The following MPC1 variants were observed in gnomAD, a reference collection of about 807,000 sequenced individuals.
MPC1 encodes the protein HSPC040 protein.
A neutral mutation model predicts 13.9 loss-of-function variants in MPC1; 6 were observed. The observed-to-expected ratio is 0.43, with a 90% CI of 0.24 to 0.85. The LOEUF (loss-of-function observed/expected upper bound fraction) is 0.85. MPC1 is among the 40% of genes least tolerant of loss of function. MPC1 has a pLI of 0.24. For synonymous variants in MPC1, 47 were observed against 50.5 expected, an observed-to-expected ratio of 0.93 and a Z score of 0.29; for missense variants, 115 against 143.3, an observed-to-expected ratio of 0.80 and a Z score of 1.01.
chr6:166,367,511 A>C (rs1779205958), intron 2 of MPC1, among the ~76,000 whole-genome samples: 2 of 152,238 alleles, frequency 1.3e-5, no homozygotes, highest in African/African-American at 4.8e-5. Flanking sequence ...TTGACATAAT[A>C]GCAAAAACTT....
At chr6:166,381,931 G>T in intron 1 of MPC1, 1 of 538,150 alleles carries the variant, frequency 1.9e-6, no homozygotes, top group Non-Finnish European at 2.4e-6. Flanking sequence ...TCCCAGAAGC[G>T]CGCTGGGCGC....
At chr6:166,370,035 G>C in intron 2 of MPC1, 183 bp downstream of exon 2, 1 of 713,322 alleles carries the variant, frequency 1.4e-6, no homozygotes, top group South Asian at 1.5e-5. Flanking sequence ...GAGCATGGCT[G>C]TCACAGAGCT....
chr6:166,369,487 TACATAC>T (rs1779293649), intron 2 of MPC1: 1 of 157,462 alleles, frequency 6.4e-6, no homozygotes, highest in Non-Finnish European at 1.4e-5. Flanking sequence ...TTAAGAACTA[TACATAC>T]ACTTATGACT....
chr6:166,382,869 C>A lies in MPC1; in HGVS notation c.8G>T (p.Gly3Val), dbSNP rs745470711. 2.5e-6 allele frequency: 4 copies of A among 1,599,142 alleles called. No individual in the cohort carries two copies. In the South Asian group the frequency reaches 3.4e-5, roughly 13 times the overall value. MA[G>V]ALVRKAADYV... ...GTCCGCCGCTTTCCGCACCAACGCG[C>A]CCGCCATGGCTGTGCCGACACCAGA... The change falls in exon 1 of 5, where the codon GGC becomes GTC. Residue 3 changes from glycine to valine, a missense_variant. Physicochemically the swap from Gly to Val is moderately radical, Grantham distance 109. Around this residue, in one of 3 missense-constraint regions of MPC1, gnomAD observed 41 missense variants for 34.2 expected, o/e 1.20. Coordinates refer to ENST00000360961, the MANE Select transcript of MPC1 (RefSeq NM_016098.4).
chr6:166,368,985 G>A, intron 2 of MPC1: 2 of 965,448 alleles, frequency 2.1e-6, no homozygotes, highest in Non-Finnish European at 2.5e-6. Flanking sequence ...ATAAACCACA[G>A]TTTCTCTACC....
rs775642695 is a variant in MPC1 at position 166,366,783 on chromosome 6, C to G, written c.172+12G>C. The G allele has an allele frequency of 1.2e-6, 2 of 1,612,824 alleles. No homozygotes were observed. Among genetic ancestry groups the G allele is most frequent in the Non-Finnish European group, 1.7e-6 (2 of 1,178,846 alleles). On this transcript the variant is annotated intron_variant, in intron 3 of 4. Coordinates refer to ENST00000360961, the MANE Select transcript of MPC1 (RefSeq NM_016098.4). ...TGAAAGTCCTCCCAATTATCCAAAT[C>G]TGCATTCTTACCAAATGTCATCCGC...
chr6:166,379,266 G>C (rs576179087), intron 1 of MPC1, among the ~76,000 whole-genome samples: 2 of 152,290 alleles, frequency 1.3e-5, no homozygotes, highest in Admixed American at 6.5e-5. Flanking sequence ...GGCCAAGATG[G>C]GAGGACTGCT....
chr6:166,365,999 G>A lies in MPC1; in HGVS notation c.280C>T (p.Gln94Ter). Reference protein sequence around the residue: ...HATNEVAQLIQGGRLIKHEMT... With the variant: ...HATNEVAQLI ...TCGTGTTTGATAAGCCGCCCTCCCT[G>A]GATGAGCTGGGCTACTTCATTTGTT... Residue 94 changes from glutamine (Q) to a stop codon, truncating the protein, a stop_gained, in exon 4 of 5, where the codon CAG (glutamine) becomes TAG (stop). Coordinates refer to ENST00000360961, the MANE Select transcript of MPC1 (RefSeq NM_016098.4). LOFTEE classifies it high-confidence loss of function. This position sits in a 1 kb window ranked among gnomAD's most constrained non-coding sequence, Gnocchi z 4.2. The A allele has an allele frequency of 1.9e-6, 3 of 1,613,734 alleles. No homozygotes were observed. Among genetic ancestry groups the A allele is most frequent in the Non-Finnish European group, 2.5e-6 (3 of 1,179,720 alleles).
chr6:166,374,865 T>G (rs1001312474), intron 1 of MPC1, among the ~76,000 whole-genome samples: 3 of 152,222 alleles, frequency 2.0e-5, no homozygotes, highest in Non-Finnish European at 4.4e-5. Flanking sequence ...GTTTGAAAGT[T>G]AGGTAATGTC....
At chr6:166,372,057 AG>A (rs1290648611) in intron 1 of MPC1, among the ~76,000 whole-genome samples, 1 of 152,208 alleles carries the variant, frequency 6.6e-6, no homozygotes, top group African/African-American at 2.4e-5. Flanking sequence ...TATATTTCAC[AG>A]CAAGTACAAA....
chr6:166,367,640 C>T (rs947087410), intron 2 of MPC1, among the ~76,000 whole-genome samples: 2 of 152,070 alleles, frequency 1.3e-5, no homozygotes, highest in African/African-American at 2.4e-5. Context: ...ATTTTAGAGG[C>T]TGAAATAAAA....
chr6:166,381,946 G>C (rs1779798756), intron 1 of MPC1: 1 of 400,396 alleles, frequency 2.5e-6, no homozygotes, highest in African/African-American at 2.2e-5. Context: ...GGGCGCACCC[G>C]AAGCTCCGCT....
intron 1 of MPC1, among the ~76,000 whole-genome samples, chr6:166,379,705 G>A (rs1779697986): frequency 6.6e-6 from 1 of 152,180 alleles, no homozygotes; most frequent in African/African-American, 2.4e-5. Flanking sequence ...AGAATGCAGA[G>A]GATGCAAAGT....
chr6:166,382,711 C>T, intron 1 of MPC1, 95 bp downstream of exon 1: 7 of 1,325,216 alleles, frequency 5.3e-6, no homozygotes, highest in Non-Finnish European at 7.0e-6. Flanking sequence ...CCGGGGCCAC[C>T]GCGTCCTCGC....
chr6:166,377,266 A>G (rs1779604402), intron 1 of MPC1, among the ~76,000 whole-genome samples: 1 of 151,866 alleles, frequency 6.6e-6, no homozygotes, highest in South Asian at 2.1e-4. Context: ...CTCGGGAGAC[A>G]ATCAAGGAGC....
chr6:166,367,861 C>T (rs1411044696), intron 2 of MPC1, among the ~76,000 whole-genome samples: 10 of 152,014 alleles, frequency 6.6e-5, no homozygotes, highest in African/African-American at 1.4e-4. Context: ...CTACTATTGA[C>T]GAGGGGTTAA....
At chr6:166,375,577 C>A (rs561135170) in intron 1 of MPC1, among the ~76,000 whole-genome samples, 1 of 152,082 alleles carries the variant, frequency 6.6e-6, no homozygotes, top group Admixed American at 6.5e-5. Context: ...AACTGTATCC[C>A]ACAAATTCTG....
At chr6:166,382,659 G>A in intron 1 of MPC1, 147 bp downstream of exon 1, 1 of 793,044 alleles carries the variant, frequency 1.3e-6, no homozygotes, top group Non-Finnish European at 1.8e-6. Context: ...GGGCCCCCCT[G>A]ACAAGCGCAC....
intron 1 of MPC1, chr6:166,370,458 TA>T (rs1315547937): frequency 2.0e-6 from 1 of 507,280 alleles, no homozygotes; most frequent in African/African-American, 1.9e-5. Context: ...TTATGGAAAA[TA>T]AGTGCAATCC....
Sources: gnomAD v4.1 joint callset for allele counts (sites outside exome capture counted in the v4.1 genomes callset) on GRCh38, gnomAD v4.1.1 for gene constraint, gnomAD v4.1.1 regional missense constraint, Gnocchi (gnomAD v3.1) non-coding constraint, MANE v1.5 for transcripts, NCBI Gene and HGNC (gene_info 2026-07-23, HGNC 2026-07-21) for gene names.